UTY: variants seen among roughly 807,000 people sequenced by gnomAD.
UTY encodes the protein histone demethylase UTY.
UTY carries 12 observed loss-of-function variants against 32.5 expected under a neutral mutation model. The ratio of observed to expected loss-of-function variants is 0.37; its 90% CI spans 0.24 to 0.60. The LOEUF (loss-of-function observed/expected upper bound fraction) is 0.60, where lower values mean the gene tolerates loss of function less well. UTY is among the 20% of genes least tolerant of loss of function. The pLI is 0.69. For synonymous variants in UTY, 131 were observed against 103.4 expected (o/e 1.27, Z -1.62); for missense variants, 303 against 299.2 (o/e 1.01, Z -0.09).
chrY:13,297,330 AC>A (rs2058087402), intron 27 of UTY: 1 of 56,981 alleles, frequency 1.8e-5, no homozygotes, highest in South Asian at 1.4e-4. Flanking sequence ...TATAAACTAT[AC>A]CTTAATATAA....
At chrY:13,324,510 A>G in intron 20 of UTY, 91 bp downstream of exon 20, 3 of 232,627 alleles carry the variant, frequency 1.3e-5, no homozygotes, top group Non-Finnish European at 2.0e-5. Context: ...AAAGACTCAG[A>G]ATGTTGGGGG....
intron 4 of UTY, among the ~76,000 whole-genome samples, chrY:13,424,075 C>T: frequency 6.0e-5 from 2 of 33,455 alleles, no homozygotes; most frequent in Non-Finnish European, 1.5e-4. Flanking sequence ...TCACTATGCA[C>T]ATTCACCCAC....
chrY:13,276,144 G>C, intron 27 of UTY, among the ~76,000 whole-genome samples: 1 of 32,510 alleles, frequency 3.1e-5, no homozygotes, highest in Non-Finnish European at 7.5e-5. Context: ...CTACTAAGTG[G>C]GGCTGAGGTG....
At chrY:13,446,615 T>TAGACAGACAGAC (rs1452698833) in intron 4 of UTY, among the ~76,000 whole-genome samples, 4 of 13,460 alleles carry the variant, frequency 3.0e-4, no homozygotes, top group Non-Finnish European at 6.8e-4. Flanking sequence ...GATAGATAGA[T>TAGACAGACAGAC]AGATAGACAG....
At chrY:13,371,231 C>T in intron 8 of UTY, among the ~76,000 whole-genome samples, 6 of 33,084 alleles carry the variant, frequency 1.8e-4, no homozygotes, top group African/African-American at 7.2e-4. Flanking sequence ...TTCTACTCAA[C>T]TTAGTAATGA....
intron 6 of UTY, among the ~76,000 whole-genome samples, chrY:13,410,507 T>C (rs2070765446): frequency 5.9e-5 from 2 of 33,637 alleles, no homozygotes; most frequent in African/African-American, 1.2e-4. Flanking sequence ...ATTTAGCAAC[T>C]GGCAGTCCAA....
intron 6 of UTY, among the ~76,000 whole-genome samples, chrY:13,406,739 C>T: frequency 3.5e-5 from 1 of 28,325 alleles, no homozygotes; most frequent in Admixed American, 3.4e-4. Context: ...CCTCAAAATA[C>T]TGTATATTTA....
chrY:13,245,942 A>G, downstream of UTY, among the ~76,000 whole-genome samples: 1 of 33,201 alleles, frequency 3.0e-5, no homozygotes, highest in Admixed American at 2.7e-4. Context: ...ATGAAGTGTG[A>G]ATGTAGATGA....
intron 4 of UTY, among the ~76,000 whole-genome samples, chrY:13,443,889 T>C (rs2075435579): frequency 2.9e-5 from 1 of 34,003 alleles, no homozygotes; most frequent in African/African-American, 1.2e-4. Flanking sequence ...AAATGGAATA[T>C]AGACTAGAAA....
chrY:13,297,980 T>C, intron 26 of UTY, 132 bp from the exon 27 acceptor site: 3 of 160,628 alleles, frequency 1.9e-5, no homozygotes. Context: ...GTAAGACTAT[T>C]ATGTTTTGTG....
In UTY at chrY:13,306,224, G is replaced by A; in HGVS notation, c.3303C>T (p.His1101=). ...TGGATTCGTTATCTGAATGATCTTT[G>A]TGTTGTGTTCTTTTCTCATTTTCTT... ...LREENEKRTQ[H]KDHSDNESTS... is the part of the protein sequence containing the mutation. Residue 1101 remains histidine (H), a synonymous_variant, in exon 22 of 30, where the codon CAC becomes CAT. Transcript: ENST00000545955. 2.5e-6 allele frequency: 1 copy of A among 396,188 alleles called. No individual in the cohort carries two copies. The highest frequency in any genetic ancestry group is 3.6e-6 in the Non-Finnish European group (1 of 281,687).
At chrY:13,297,670 C>G (rs1225913147) in intron 27 of UTY, 37 bp downstream of exon 27, 4 of 397,623 alleles carry the variant, frequency 1.0e-5, no homozygotes, top group Admixed American at 1.5e-4. Flanking sequence ...ACCAATACCC[C>G]CAAAGAGAAA....
chrY:13,474,022 G>A (rs2078799756), intron 2 of UTY, among the ~76,000 whole-genome samples: 1 of 32,924 alleles, frequency 3.0e-5, no homozygotes, highest in South Asian at 6.7e-4. Flanking sequence ...GGCCAAGGCA[G>A]GCAGATCACC....
In UTY at chrY:13,298,882, T is replaced by A. The variant is rs749254298; in HGVS notation, c.3868+75A>T. On this transcript the variant is annotated intron_variant, in intron 26 of 29. Coordinates refer to ENST00000545955, the MANE Select transcript of UTY (RefSeq NM_001258249.2). Reference sequence around the variant, plus strand: ...ACTATTTCTATTTTCAGTGAGTTATTTTCTACTAGTAAAATAATACCTACT... The same window carrying A: ...ACTATTTCTATTTTCAGTGAGTTATATTCTACTAGTAAAATAATACCTACT... The A allele has an allele frequency of 1.4e-3, 337 of 242,660 alleles. No individual in the cohort carries two copies. In the South Asian group the frequency reaches 0.016, roughly 11 times the overall value. 60.5% of individuals were successfully genotyped at this position (242,660 alleles called of 400,897 possible). A position where few individuals can be genotyped will look rare whatever the true frequency, so the allele number is the denominator to read the frequency against.
At chrY:13,446,599 TAGATAGATAGATAGATAGATAGAC>T (rs2075831210) in intron 4 of UTY, among the ~76,000 whole-genome samples, 2 of 25,810 alleles carry the variant, frequency 7.7e-5, no homozygotes, top group South Asian at 2.4e-3. Flanking sequence ...GATAGATAGA[TAGATAGATAGATAGATAGATAGAC>T]AGACAGACAG....
chrY:13,403,975 A>G lies in UTY; in HGVS notation c.556-7003T>C, dbSNP rs2069489279. ...AATCTCTCATTCTTATTTATGATCA[A>G]AAAATGTTATTCATCAATGTAGACT... On this transcript the variant is annotated intron_variant, in intron 6 of 29. Transcript: ENST00000545955. Among the ~76,000 whole-genome samples the G allele has an allele frequency of 1.2e-4, 4 of 33,663 alleles. No individual in the cohort carries two copies. The South Asian group carries it at 2.6e-3, about 22-fold the overall frequency. The allele number at this position is 33,663 out of a possible 37,273, so 90.3% of individuals were successfully genotyped here.
chrY:13,428,339 G>A (rs375028106), intron 4 of UTY, among the ~76,000 whole-genome samples: 3 of 33,423 alleles, frequency 9.0e-5, no homozygotes, highest in Admixed American at 8.0e-4. Context: ...TTAGGTTTAG[G>A]TCTTTACTTA....
At chrY:13,312,219 C>T (rs2059157164) in intron 21 of UTY, among the ~76,000 whole-genome samples, 4 of 31,928 alleles carry the variant, frequency 1.3e-4, no homozygotes, top group South Asian at 1.4e-3. Context: ...AGTGAAACCC[C>T]GTCTCTACTA....
intron 4 of UTY, among the ~76,000 whole-genome samples, chrY:13,434,719 C>G: frequency 3.0e-5 from 1 of 33,383 alleles, no homozygotes; most frequent in African/African-American, 1.2e-4. Flanking sequence ...ATCAATTTAG[C>G]CAGAGGATAT....
Sources: allele counts gnomAD v4.1 joint callset (sites outside exome capture counted in the v4.1 genomes callset), GRCh38; gene constraint gnomAD v4.1.1; transcripts MANE v1.5; gene names NCBI Gene and HGNC (gene_info 2026-07-23, HGNC 2026-07-21).